The following USP47 variants were observed in gnomAD, a reference collection of about 807,000 sequenced individuals.
USP47 encodes the protein ubiquitin specific peptidase 47, also known as ubiquitin carboxyl-terminal hydrolase 47.
A neutral mutation model predicts 165.1 loss-of-function variants in USP47; 35 were observed. The observed-to-expected ratio is 0.21, with a 90% confidence interval of 0.16 to 0.28. USP47 has a LOEUF of 0.28. Among genes scored for constraint, USP47 ranks in the 10% least tolerant of loss-of-function variants. The pLI, the probability that USP47 is intolerant of heterozygous loss-of-function variation, is 1.00. For synonymous variants in USP47, 531 were observed against 544.5 expected (o/e 0.98, Z 0.35); for missense variants, 1,277 against 1,607.4 (o/e 0.79, Z 3.52).
chr11:11,878,040 A>G (rs556495779), intron 1 of USP47, among the ~76,000 whole-genome samples: 1 of 152,238 alleles, frequency 6.6e-6, no homozygotes, highest in African/African-American at 2.4e-5. Context: ...TAAGCCACAC[A>G]TGAGATTGAA....
intron 8 of USP47, among the ~76,000 whole-genome samples, chr11:11,906,634 T>G (rs367917927): frequency 6.6e-6 from 1 of 152,212 alleles, no homozygotes; most frequent in East Asian, 1.9e-4. Flanking sequence ...TTTCTGCTAC[T>G]GTTTTTCATA....
intron 1 of USP47, among the ~76,000 whole-genome samples, chr11:11,859,245 T>C (rs1564853019): frequency 6.6e-6 from 1 of 152,180 alleles, no homozygotes; most frequent in Non-Finnish European, 1.5e-5. Context: ...AAAAAGAGTA[T>C]CCTCAAAGAG....
chr11:11,896,854 T>G (rs1291542727), intron 4 of USP47, among the ~76,000 whole-genome samples: 1 of 152,040 alleles, frequency 6.6e-6, no homozygotes, highest in Non-Finnish European at 1.5e-5. Flanking sequence ...ACACGGTTCT[T>G]AAAATAAAGG....
At chr11:11,877,923 A>G (rs992296260) in intron 1 of USP47, among the ~76,000 whole-genome samples, 4 of 151,648 alleles carry the variant, frequency 2.6e-5, no homozygotes, top group Admixed American at 6.6e-5. Flanking sequence ...TCTGTGGGTT[A>G]TAGAGTTACA....
chr11:11,913,631 G>A (rs564381068), intron 8 of USP47, among the ~76,000 whole-genome samples: 15 of 152,082 alleles, frequency 9.9e-5, no homozygotes, highest in South Asian at 2.1e-4. Context: ...TGAGAGAGGC[G>A]GGGATAAAGA....
chr11:11,866,582 G>A (rs570140713), intron 1 of USP47, among the ~76,000 whole-genome samples: 1 of 152,332 alleles, frequency 6.6e-6, no homozygotes, highest in Admixed American at 6.5e-5. Flanking sequence ...ACTGTCATCA[G>A]TCTAGGTGGC....
intron 5 of USP47, among the ~76,000 whole-genome samples, chr11:11,898,875 A>G (rs1342260396): frequency 6.6e-6 from 1 of 152,204 alleles, no homozygotes; most frequent in African/African-American, 2.4e-5. Flanking sequence ...CCTGAGTGTT[A>G]GTCATTGTTT....
chr11:11,952,975 A>G, intron 25 of USP47, 104 bp downstream of exon 25: 1 of 968,366 alleles, frequency 1.0e-6, no homozygotes, highest in Non-Finnish European at 1.3e-6. Context: ...TGTGTTGCGT[A>G]AGAGAAAACC....
chr11:11,934,047 A>G (rs1336622011), intron 16 of USP47, 112 bp downstream of exon 16: 1 of 745,464 alleles, frequency 1.3e-6, no homozygotes, highest in African/African-American at 1.8e-5. Context: ...TAACCTTGGT[A>G]ACTGGTTAAT....
At chr11:11,910,233 C>G (rs993440199) in intron 8 of USP47, among the ~76,000 whole-genome samples, 2 of 152,150 alleles carry the variant, frequency 1.3e-5, no homozygotes, top group African/African-American at 4.8e-5. Flanking sequence ...GGCATACACA[C>G]TAGGGACCTC....
intron 1 of USP47, among the ~76,000 whole-genome samples, chr11:11,846,977 G>T (rs1848462935): frequency 6.6e-6 from 1 of 152,060 alleles, no homozygotes; most frequent in African/African-American, 2.4e-5. Context: ...ACAAATTGGA[G>T]TGTTTAATAA....
In USP47 at chr11:11,959,951, A is replaced by G. The variant is rs1847380339; in HGVS notation, c.*3776A>G. Among the ~76,000 whole-genome samples the G allele has an allele frequency of 3.3e-5, 5 of 152,048 alleles. No homozygotes were observed. The South Asian group carries it at 1.0e-3, about 32-fold the overall frequency. On this transcript the variant is annotated 3_prime_UTR_variant, in exon 28 of 28. Transcript: ENST00000527733. ...CCACCTGTTTTCAGCCTCTTTTATA[A>G]TGCTTAAGTAACCTGCTTGAAGAGT...
chr11:11,861,521 CTT>C (rs1849386096), intron 1 of USP47, among the ~76,000 whole-genome samples: 1 of 152,144 alleles, frequency 6.6e-6, no homozygotes, highest in South Asian at 2.1e-4. Flanking sequence ...AGTTCTGAAA[CTT>C]TGCATTTTTA....
chr11:11,885,144 G>A (rs1851073128), intron 3 of USP47, among the ~76,000 whole-genome samples: 2 of 152,014 alleles, frequency 1.3e-5, no homozygotes, highest in African/African-American at 4.8e-5. Context: ...ATCTAATGCA[G>A]TATCTCCCAA....
intron 7 of USP47, among the ~76,000 whole-genome samples, chr11:11,904,881 G>A (rs1007093679): frequency 2.6e-5 from 4 of 152,068 alleles, no homozygotes; most frequent in Non-Finnish European, 4.4e-5. Flanking sequence ...AAGCTAAAAA[G>A]TTTGATTTGC....
chr11:11,848,208 G>T (rs1211462189), intron 1 of USP47, among the ~76,000 whole-genome samples: 1 of 152,140 alleles, frequency 6.6e-6, no homozygotes, highest in Admixed American at 6.5e-5. Flanking sequence ...TAATGATGAG[G>T]ACCTATTCTG....
At chr11:11,910,557 C>G (rs1490622565) in intron 8 of USP47, among the ~76,000 whole-genome samples, 1 of 151,964 alleles carries the variant, frequency 6.6e-6, no homozygotes, top group Non-Finnish European at 1.5e-5. Context: ...GAGGCGAGCC[C>G]CTCCTGCTTG....
chr11:11,869,871 G>GCTCTTGCACC (rs1849922538), intron 1 of USP47, among the ~76,000 whole-genome samples: 2 of 152,130 alleles, frequency 1.3e-5, no homozygotes, highest in Admixed American at 6.5e-5. Flanking sequence ...TGCACCATGT[G>GCTCTTGCACC]ATGCCTTCTG....
chr11:11,901,653 TA>T (rs1041944110), intron 5 of USP47, among the ~76,000 whole-genome samples: 3 of 152,028 alleles, frequency 2.0e-5, no homozygotes, highest in African/African-American at 7.2e-5. Flanking sequence ...TGGAAAATTT[TA>T]AACATTCAAA....
Sources: gnomAD v4.1 joint callset for allele counts (sites outside exome capture counted in the v4.1 genomes callset) on GRCh38, gnomAD v4.1.1 for gene constraint, MANE v1.5 for transcripts, NCBI Gene and HGNC (gene_info 2026-07-23, HGNC 2026-07-21) for gene names.